Variants in KALRN observed in about 807,000 individuals in gnomAD.
KALRN encodes kalirin RhoGEF kinase.
Under a neutral mutation model 353.7 loss-of-function variants are expected in KALRN, and 70 were observed. The observed-to-expected ratio is 0.20, with a 90% CI of 0.16 to 0.24. KALRN has a LOEUF of 0.24. Ranked by LOEUF, KALRN falls within the 10% of genes least tolerant of loss-of-function variation. KALRN has a pLI of 1.00. For missense variants in KALRN, 2,791 were observed against 3,756.7 expected, an observed-to-expected ratio of 0.74 and a Z score of 6.72; for synonymous variants, 1,391 against 1,434.8, an observed-to-expected ratio of 0.97 and a Z score of 0.69.
chr3:124,114,888 G>A (rs548524953), intron 1 of KALRN, among the ~76,000 whole-genome samples: 1 of 152,200 alleles, frequency 6.6e-6, no homozygotes, highest in East Asian at 1.9e-4. Context: ...CGTCAGTGAG[G>A]TAGTATTCCC....
chr3:124,707,923 T>C (rs1002702834), intron 57 of KALRN, among the ~76,000 whole-genome samples: 2 of 152,218 alleles, frequency 1.3e-5, no homozygotes, highest in East Asian at 1.9e-4. Context: ...ATGAGGCACA[T>C]CCAAAGAAAT....
chr3:124,594,805 T>A (rs553711523), intron 34 of KALRN, among the ~76,000 whole-genome samples: 3 of 152,168 alleles, frequency 2.0e-5, no homozygotes, highest in Admixed American at 6.5e-5. Context: ...CAGCAAGCAC[T>A]GTGGCTGGAG....
intron 1 of KALRN, among the ~76,000 whole-genome samples, chr3:124,191,635 T>C (rs1264633801): frequency 2.6e-5 from 4 of 152,172 alleles, no homozygotes; most frequent in African/African-American, 7.2e-5. Context: ...GCAGGAACAG[T>C]TGGGCTGGCT....
At chr3:124,058,591 A>G (rs900529190) in intron 1 of KALRN, among the ~76,000 whole-genome samples, 13 of 152,114 alleles carry the variant, frequency 8.5e-5, no homozygotes, top group Non-Finnish European at 1.8e-4. Context: ...ATATCTCTCT[A>G]TGGTGCCTGA....
At chr3:124,625,684 A>G (rs2079867573) in intron 34 of KALRN, among the ~76,000 whole-genome samples, 1 of 138,870 alleles carries the variant, frequency 7.2e-6, no homozygotes, top group Admixed American at 6.8e-5. Context: ...ATGGATTTGT[A>G]CAATTATATA....
chr3:124,549,425 G>A (rs992878078), intron 33 of KALRN, among the ~76,000 whole-genome samples: 17 of 150,262 alleles, frequency 1.1e-4, no homozygotes, highest in East Asian at 2.0e-4. Context: ...ACACATACAC[G>A]GGTCCTTCTG....
chr3:124,655,760 T>C (rs980782218), intron 39 of KALRN, 93 bp downstream of exon 39: 3 of 815,488 alleles, frequency 3.7e-6, no homozygotes, highest in Non-Finnish European at 6.5e-6. Context: ...GATGGTTACA[T>C]GTACTTTACT....
At chr3:124,077,015 C>T (rs375430067) in intron 1 of KALRN, among the ~76,000 whole-genome samples, 1 of 152,216 alleles carries the variant, frequency 6.6e-6, no homozygotes, top group East Asian at 1.9e-4. Flanking sequence ...TCAAACTCCT[C>T]GGTTTACAGA....
intron 33 of KALRN, among the ~76,000 whole-genome samples, chr3:124,521,840 C>T (rs2109019064): frequency 6.6e-6 from 1 of 152,186 alleles, no homozygotes; most frequent in Middle Eastern, 3.4e-3. Context: ...TTTCTCATCT[C>T]CCAGATTCAG....
chr3:124,246,414 G>A (rs967218191), intron 3 of KALRN, among the ~76,000 whole-genome samples: 7 of 152,254 alleles, frequency 4.6e-5, no homozygotes, highest in South Asian at 4.1e-4. Flanking sequence ...AACAGGGAGC[G>A]CACATTAAAG....
chr3:124,439,200 T>TCTCACACACACACA (rs1553969726), intron 18 of KALRN, among the ~76,000 whole-genome samples, 163 bp downstream of exon 18: 4 of 98,876 alleles, frequency 4.0e-5, no homozygotes, highest in Admixed American at 1.1e-4. Flanking sequence ...TCTCTCTCTC[T>TCTCACACACACACA]CACACACACA....
At chr3:124,546,166 A>G (rs2069619777) in intron 33 of KALRN, among the ~76,000 whole-genome samples, 2 of 151,994 alleles carry the variant, frequency 1.3e-5, no homozygotes, top group African/African-American at 4.8e-5. Context: ...CAAAGTGCTT[A>G]GTGATTAAAA....
intron 49 of KALRN, 114 bp from the exon 50 acceptor site, chr3:124,678,076 G>C: frequency 8.6e-7 from 1 of 1,168,690 alleles, no homozygotes; most frequent in East Asian, 2.4e-5. Context: ...GGCCTCTGAA[G>C]CCCGGGCTTG....
intron 33 of KALRN, 72 bp downstream of exon 33, chr3:124,496,485 T>G: frequency 8.9e-7 from 1 of 1,125,136 alleles, no homozygotes; most frequent in Admixed American, 1.7e-5. Context: ...GAGGTACCCC[T>G]AGAGAATTTC....
intron 45 of KALRN, among the ~76,000 whole-genome samples, chr3:124,664,370 T>TGTGTGTGCGC (rs370394911): frequency 5.7e-4 from 74 of 129,564 alleles, no homozygotes; most frequent in African/African-American, 2.1e-3. Context: ...TGTGTGTGTG[T>TGTGTGTGCGC]GCGCGCGCGC....
intron 33 of KALRN, chr3:124,518,683 C>T (rs923423520): frequency 7.0e-6 from 10 of 1,426,442 alleles, no homozygotes; most frequent in South Asian, 3.0e-5. Flanking sequence ...GGGTGCAATT[C>T]GAGGTTGCTG....
chr3:124,336,533 G>T (rs190409335), intron 9 of KALRN, among the ~76,000 whole-genome samples: 3 of 152,116 alleles, frequency 2.0e-5, no homozygotes, highest in Non-Finnish European at 4.4e-5. Flanking sequence ...TTGTCCTGGA[G>T]AGCTGCAGAG....
intron 8 of KALRN, 79 bp downstream of exon 8, chr3:124,330,071 T>G (rs1239762611): frequency 3.1e-5 from 45 of 1,453,296 alleles, no homozygotes; most frequent in Non-Finnish European, 4.1e-5. Context: ...GCCTGTGCCC[T>G]GTGAAATAGC....
Position 124,498,678 on chromosome 3 carries a change from T to C in KALRN, c.4935+2265T>C, listed in dbSNP as rs550339797. Among the ~76,000 whole-genome samples, 9 of 152,198 alleles carry C rather than the reference T, an allele frequency of 5.9e-5. No individual in the cohort carries two copies. In the East Asian group the frequency reaches 1.7e-3, roughly 29 times the overall value. ...ATGTGTGTACACAAAACCTAGAAAA[T>C]TCCTTAGACATAGTCACACTTTCAA... On this transcript the variant is annotated intron_variant, in intron 33 of 59. Coordinates refer to ENST00000682506, the MANE Select transcript of KALRN (RefSeq NM_001388419.1).
Sources: gnomAD v4.1 joint callset for allele counts (sites outside exome capture counted in the v4.1 genomes callset) on GRCh38, gnomAD v4.1.1 for gene constraint, MANE v1.5 for transcripts, NCBI Gene and HGNC (gene_info 2026-07-23, HGNC 2026-07-21) for gene names.